PARD3: variants seen among roughly 807,000 people sequenced by gnomAD.
PARD3 encodes partitioning defective 3 homolog.
In PARD3, 75 loss-of-function variants were observed where a neutral mutation model predicts 155.4. The ratio of observed to expected loss-of-function variants is 0.48; its 90% CI spans 0.40 to 0.58. The LOEUF (loss-of-function observed/expected upper bound fraction) is 0.58, where lower values mean the gene tolerates loss of function less well. Ranked by LOEUF, PARD3 falls within the 20% of genes least tolerant of loss-of-function variation. The probability of loss-of-function intolerance (pLI) is 0.00; values close to 1 mark genes in which losing one functional copy is unlikely to be tolerated. For missense variants in PARD3, 1,642 were observed against 1,721.7 expected, an observed-to-expected ratio of 0.95 and a Z score of 0.82; for synonymous variants, 576 against 610.5, an observed-to-expected ratio of 0.94 and a Z score of 0.83.
intron 2 of PARD3, among the ~76,000 whole-genome samples, chr10:34,524,088 C>T (rs1183319320): frequency 6.6e-6 from 1 of 152,024 alleles, no homozygotes; most frequent in Non-Finnish European, 1.5e-5. Flanking sequence ...AAAAGAAAAA[C>T]TAACCAAACA....
chr10:34,260,371 C>T (rs999942928), intron 22 of PARD3, among the ~76,000 whole-genome samples: 3 of 152,288 alleles, frequency 2.0e-5, no homozygotes, highest in Admixed American at 2.0e-4. Context: ...TCAGAGGAGA[C>T]ACTGACGGAG....
chr10:34,556,191 T>A (rs1021597286), intron 2 of PARD3, among the ~76,000 whole-genome samples: 1 of 152,232 alleles, frequency 6.6e-6, no homozygotes, highest in Non-Finnish European at 1.5e-5. Context: ...TAACTTTCGA[T>A]GCTGGTTGAG....
rs139447156 is a variant in PARD3, at chr10:34,330,119, T to A, written c.2833+998A>T. On this transcript the variant is annotated intron_variant, in intron 19 of 24. Coordinates refer to ENST00000374788, the MANE Select transcript of PARD3 (RefSeq NM_001184785.2). ...GTGGTCCCTCCAACTATTCGTACAA[T>A]AGTTTGATGGTTGAGTCACATTTGA... is the stretch of plus-strand genomic sequence containing the variant. Among the ~76,000 whole-genome samples, 142 of 152,242 alleles carry A rather than the reference T, an allele frequency of 9.3e-4. 1 individual carries two copies. Among genetic ancestry groups the A allele is most frequent in the African/African-American group, 3.2e-3 (131 of 41,544 alleles).
At chr10:34,270,563 A>ATT (rs370507827) in intron 21 of PARD3, among the ~76,000 whole-genome samples, 5 of 152,160 alleles carry the variant, frequency 3.3e-5, no homozygotes, top group Non-Finnish European at 1.5e-5. Flanking sequence ...GCAAGAAATA[A>ATT]TTTTTTTAAC....
intron 14 of PARD3, among the ~76,000 whole-genome samples, chr10:34,352,335 T>C (rs1838180837): frequency 6.6e-6 from 1 of 152,052 alleles, no homozygotes; most frequent in Non-Finnish European, 1.5e-5. Flanking sequence ...GTTACTCTTT[T>C]TTGCTCCCCT....
chr10:34,387,288 C>T (rs1042195590), intron 7 of PARD3, among the ~76,000 whole-genome samples: 12 of 152,054 alleles, frequency 7.9e-5, no homozygotes, highest in South Asian at 4.1e-4. Flanking sequence ...TATATATAAA[C>T]GGTCTTCAAT....
rs140673878 is a variant in PARD3, at chr10:34,136,639, A to G, written c.3420-5056T>C. Among the ~76,000 whole-genome samples, 539 of 152,222 alleles carry G rather than the reference A, an allele frequency of 3.5e-3. 1 individual carries two copies. Among genetic ancestry groups the G allele is most frequent in the African/African-American group, 0.012 (504 of 41,532 alleles). On this transcript the variant is annotated intron_variant, in intron 22 of 24. Transcript: ENST00000374788. ...GTTCAGAAGGCAGAGATGATTATAA[A>G]CTCTGGTACAGGAGAAGAAAAGCTG...
intron 2 of PARD3, among the ~76,000 whole-genome samples, chr10:34,666,812 TATATACACACACAC>T (rs1192798672): frequency 1.1e-5 from 1 of 95,210 alleles, no homozygotes; most frequent in African/African-American, 4.7e-5. Context: ...TATATATATA[TATATACACACACAC>T]ACACACACAC....
chr10:34,710,017 C>T lies in PARD3; in HGVS notation c.121-13598G>A, dbSNP rs72783645. Among the ~76,000 whole-genome samples, 8 of 152,048 alleles carry T rather than the reference C, an allele frequency of 5.3e-5. No individual in the cohort carries two copies. The South Asian group carries it at 1.5e-3, about 28-fold the overall frequency. On this transcript the variant is annotated intron_variant, in intron 1 of 24. Transcript: ENST00000374788. Reference sequence around the variant, plus strand: ...TTTGGAGAGGCGGGGGGACAGGGAGCTAGAATTTGGTACCACGCATCAAAA... The same window carrying T: ...TTTGGAGAGGCGGGGGGACAGGGAGTTAGAATTTGGTACCACGCATCAAAA...
At chr10:34,475,331 A>G (rs2078638400) in intron 3 of PARD3, among the ~76,000 whole-genome samples, 2 of 152,240 alleles carry the variant, frequency 1.3e-5, no homozygotes, top group Admixed American at 6.5e-5. Flanking sequence ...CTGGATTCTC[A>G]TATCTGCTTC....
intron 22 of PARD3, among the ~76,000 whole-genome samples, chr10:34,196,233 A>G (rs1202764103): frequency 6.6e-6 from 1 of 152,214 alleles, no homozygotes; most frequent in Non-Finnish European, 1.5e-5. Flanking sequence ...TACGTGGCGT[A>G]CAATGACCAC....
At chr10:34,627,744 G>A (rs1313187836) in intron 2 of PARD3, among the ~76,000 whole-genome samples, 3 of 152,202 alleles carry the variant, frequency 2.0e-5, no homozygotes, top group Non-Finnish European at 4.4e-5. Context: ...AGAACTGTGA[G>A]ACAATGAGTT....
chr10:34,757,000 C>T (rs1454628883), intron 1 of PARD3, among the ~76,000 whole-genome samples: 23 of 152,196 alleles, frequency 1.5e-4, no homozygotes, highest in Admixed American at 1.4e-3. Flanking sequence ...GTTCTAAAGT[C>T]ATAAACAAGA....
chr10:34,184,206 G>A (rs1449297160), intron 22 of PARD3, among the ~76,000 whole-genome samples: 3 of 152,212 alleles, frequency 2.0e-5, no homozygotes, highest in Non-Finnish European at 2.9e-5. Flanking sequence ...CTTTGAAAAT[G>A]AAGAGGCGAA....
At chr10:34,715,538 G>A (rs918990277) in intron 1 of PARD3, among the ~76,000 whole-genome samples, 2 of 152,038 alleles carry the variant, frequency 1.3e-5, no homozygotes, top group African/African-American at 2.4e-5. Flanking sequence ...CTTCCCTTGC[G>A]GAAATCTTAC....
chr10:34,318,566 T>C (rs916271577), intron 19 of PARD3, among the ~76,000 whole-genome samples: 2 of 152,130 alleles, frequency 1.3e-5, no homozygotes, highest in Non-Finnish European at 2.9e-5. Flanking sequence ...GCACTTTCAA[T>C]AGCAATACAC....
chr10:34,631,333 AT>A (rs2092260170), intron 2 of PARD3, among the ~76,000 whole-genome samples: 1 of 152,272 alleles, frequency 6.6e-6, no homozygotes, highest in Admixed American at 6.5e-5. Flanking sequence ...AGGCAAGTAC[AT>A]TGATTGAAGT....
chr10:34,703,412 T>G lies in PARD3; in HGVS notation c.121-6993A>C, dbSNP rs1330211762. On this transcript the variant is annotated intron_variant, in intron 1 of 24. Coordinates refer to ENST00000374788, the MANE Select transcript of PARD3 (RefSeq NM_001184785.2). ...AAAAACTAAACAAAATACTAAGAGC[T>G]CAATAGGAAAATTAAGAGAAGTTGA... 4.8e-5 allele frequency among the ~76,000 whole-genome samples: 7 copies of G among 146,724 alleles called. No homozygotes were observed. The East Asian group carries it at 1.4e-3, about 29-fold the overall frequency.
chr10:34,653,499 A>C (rs994725485), intron 2 of PARD3, among the ~76,000 whole-genome samples: 2 of 152,218 alleles, frequency 1.3e-5, no homozygotes, highest in South Asian at 4.1e-4. Context: ...AAAGAAAAAA[A>C]TGCTCCCACA....
Sources: gnomAD v4.1 joint callset for allele counts (sites outside exome capture counted in the v4.1 genomes callset) on GRCh38, gnomAD v4.1.1 for gene constraint, MANE v1.5 for transcripts, NCBI Gene and HGNC (gene_info 2026-07-23, HGNC 2026-07-21) for gene names.